SOX6: variants seen among roughly 807,000 people sequenced by gnomAD.
SOX6 encodes the protein SRY-box transcription factor 6, also known as transcription factor SOX-6.
In SOX6, 11 loss-of-function variants were observed where a neutral mutation model predicts 97.8. The ratio of observed to expected loss-of-function variants is 0.11; its 90% CI spans 0.07 to 0.19. The LOEUF (loss-of-function observed/expected upper bound fraction) is 0.19, where lower values mean the gene tolerates loss of function less well. Ranked by LOEUF, SOX6 falls within the 10% of genes least tolerant of loss-of-function variation. The probability of loss-of-function intolerance (pLI) is 1.00; values close to 1 mark genes in which losing one functional copy is unlikely to be tolerated. For synonymous variants in SOX6, 360 were observed against 371.4 expected (o/e 0.97, Z 0.35); for missense variants, 810 against 1,039.5 (o/e 0.78, Z 3.04).
In SOX6 at chr11:16,287,280, TCTCTCTCTCTCTCTCTCTCA is replaced by T. The variant is rs1457872495; in HGVS notation, c.445+31146_445+31165del. On this transcript the variant is annotated intron_variant, in intron 3 of 15. Transcript: ENST00000683767. ...CTGTCTCTCTCTCTCTCTCTCTCTC[TCTCTCTCTCTCTCTCTCTCA>T]CACACACACACACACACACACACAC... 1.1e-3 allele frequency among the ~76,000 whole-genome samples: 117 copies of T among 105,958 alleles called. 1 individual carries two copies. The highest frequency in any genetic ancestry group is 4.8e-3 in the Middle Eastern group (1 of 208). The allele number at this position is 105,958 out of a possible 152,430, so 69.5% of individuals were successfully genotyped here.
chr11:16,439,034 C>T (rs1859446836), intron 1 of SOX6, among the ~76,000 whole-genome samples: 1 of 152,166 alleles, frequency 6.6e-6, no homozygotes, highest in Non-Finnish European at 1.5e-5. Flanking sequence ...AAAGATAAGA[C>T]AGAGAGTTTT....
At chr11:16,268,662 C>T (rs752615876) in intron 3 of SOX6, among the ~76,000 whole-genome samples, 7 of 151,114 alleles carry the variant, frequency 4.6e-5, no homozygotes, top group East Asian at 1.9e-4. Flanking sequence ...ACAGTCGTAT[C>T]GCTTCAATAA....
At chr11:16,065,615 G>C (rs186960255) in intron 9 of SOX6, among the ~76,000 whole-genome samples, 1 of 152,142 alleles carries the variant, frequency 6.6e-6, no homozygotes, top group Non-Finnish European at 1.5e-5. Context: ...CACACCTACA[G>C]TGAACTCATT....
At chr11:16,230,972 T>C (rs576119291) in intron 4 of SOX6, among the ~76,000 whole-genome samples, 4 of 151,850 alleles carry the variant, frequency 2.6e-5, no homozygotes, top group African/African-American at 9.6e-5. Flanking sequence ...AGTATAGATA[T>C]TTGGTTAACT....
chr11:16,107,299 A>C (rs1167060785), intron 7 of SOX6, among the ~76,000 whole-genome samples: 1 of 151,250 alleles, frequency 6.6e-6, no homozygotes, highest in Non-Finnish European at 1.5e-5. Context: ...CCATATTCAC[A>C]GAAGTATTAT....
chr11:16,256,847 T>G (rs368150280), intron 3 of SOX6, among the ~76,000 whole-genome samples: 1 of 151,918 alleles, frequency 6.6e-6, no homozygotes, highest in African/African-American at 2.4e-5. Flanking sequence ...GGAACCAGTA[T>G]GTAATTATAG....
Position 16,594,602 on chromosome 11 carries a change from G to C in SOX6, n.609+17479C>G, listed in dbSNP as rs564711044. ...TAAAAAATGTTCCTGAGACTCAATT[G>C]ATTAATATGCTGTTTTCCAAGTTAT... On this transcript the variant is annotated intron_variant and non_coding_transcript_variant, in intron 4 of 5. Coordinates refer to the SOX6 transcript ENST00000524520. Among the ~76,000 whole-genome samples the C allele has an allele frequency of 4.6e-4, 68 of 147,522 alleles. 2 individuals are homozygous for C. In the South Asian group the frequency reaches 0.014, roughly 31 times the overall value.
intron 3 of SOX6, among the ~76,000 whole-genome samples, chr11:16,650,801 GA>G (rs56928337): frequency 0.78 from 117,025 of 149,820 alleles, 46,004 homozygotes; most frequent in East Asian, 0.95. Context: ...AATTGAAACA[GA>G]AAAAAAAAAT....
At chr11:16,110,393 C>A in intron 7 of SOX6, 1 of 150,276 alleles carries the variant, frequency 6.7e-6, no homozygotes. Context: ...AAGACTGAAC[C>A]ACTTCACTAA....
At chr11:16,183,042 G>A (rs182873641) in intron 6 of SOX6, among the ~76,000 whole-genome samples, 114 of 151,954 alleles carry the variant, frequency 7.5e-4, no homozygotes, top group African/African-American at 2.3e-3. Flanking sequence ...AGAGTCTACC[G>A]TAGGATAGGC....
chr11:16,371,560 C>T (rs1371270667), intron 1 of SOX6, among the ~76,000 whole-genome samples: 2 of 152,008 alleles, frequency 1.3e-5, no homozygotes, highest in Non-Finnish European at 2.9e-5. Flanking sequence ...TGATGTATCT[C>T]CAATCCCCAG....
At chr11:16,109,172 ATTTCT>A (rs1349424603) in intron 7 of SOX6, among the ~76,000 whole-genome samples, 1 of 151,814 alleles carries the variant, frequency 6.6e-6, no homozygotes, top group Non-Finnish European at 1.5e-5. Flanking sequence ...TCTCACATAC[ATTTCT>A]TTTCTTTTTT....
chr11:16,433,947 C>A (rs1421171740), intron 1 of SOX6, among the ~76,000 whole-genome samples: 1 of 152,054 alleles, frequency 6.6e-6, no homozygotes, highest in Admixed American at 6.6e-5. Flanking sequence ...CTTAATAAGA[C>A]ACAAAGGCCT....
chr11:16,434,160 T>C (rs978425188), intron 1 of SOX6: 5 of 152,084 alleles, frequency 3.3e-5, no homozygotes, highest in African/African-American at 9.7e-5. Flanking sequence ...AAAGGTAGCA[T>C]AAAATGAAGT....
At chr11:16,558,589 C>T (rs1057023998) in intron 4 of SOX6, among the ~76,000 whole-genome samples, 6 of 151,986 alleles carry the variant, frequency 3.9e-5, no homozygotes, top group African/African-American at 1.4e-4. Flanking sequence ...AATATCTCTT[C>T]TTTCTCAAGA....
intron 4 of SOX6, among the ~76,000 whole-genome samples, chr11:16,526,413 C>T (rs1050948795): frequency 6.6e-6 from 1 of 151,148 alleles, no homozygotes; most frequent in African/African-American, 2.4e-5. Flanking sequence ...TGTTCTCACT[C>T]ATAGGTGGGA....
rs115595002 is a variant in SOX6 at position 16,385,160 on chromosome 11, C to A, written c.-4-43908G>T. 2.4e-3 allele frequency among the ~76,000 whole-genome samples: 361 copies of A among 152,148 alleles called. 5 individuals are homozygous for A. The highest frequency in any genetic ancestry group is 8.2e-3 in the African/African-American group (341 of 41,550). On this transcript the variant is annotated intron_variant, in intron 1 of 15. Transcript: ENST00000396356. ...TTTGAGATGAACTAAATGAAACAGT[C>A]ACACAGTTAATCTGTGGCAGAATCA...
chr11:16,182,904 AT>A (rs375184805), intron 6 of SOX6, among the ~76,000 whole-genome samples: 78 of 150,198 alleles, frequency 5.2e-4, no homozygotes, highest in African/African-American at 1.6e-3. Flanking sequence ...CATGCTACTG[AT>A]TTTTTTTTTA....
At chr11:16,091,404 T>A (rs1006322259) in intron 9 of SOX6, among the ~76,000 whole-genome samples, 1 of 151,868 alleles carries the variant, frequency 6.6e-6, no homozygotes, top group Non-Finnish European at 1.5e-5. Flanking sequence ...TCCATCACCC[T>A]CCCATTCCCC....
Sources: allele counts gnomAD v4.1 joint callset (sites outside exome capture counted in the v4.1 genomes callset), GRCh38; gene constraint gnomAD v4.1.1; transcripts MANE v1.5; gene names NCBI Gene and HGNC (gene_info 2026-07-23, HGNC 2026-07-21).